Variants in LRP1B observed in about 807,000 individuals in gnomAD.
LRP1B encodes low-density lipoprotein receptor-related protein 1B.
In LRP1B, 217 loss-of-function variants were observed where a neutral mutation model predicts 556.6. The ratio of observed to expected loss-of-function variants is 0.39; its 90% confidence interval spans 0.35 to 0.44. The LOEUF is 0.44. Among genes scored for constraint, LRP1B ranks in the 20% least tolerant of loss-of-function variants. The probability of loss-of-function intolerance (pLI) is 1.00; values close to 1 mark genes in which losing one functional copy is unlikely to be tolerated. For synonymous variants in LRP1B, 2,047 were observed against 1,865.8 expected (o/e 1.10, Z -2.50); for missense variants, 5,053 against 5,620.8 (o/e 0.90, Z 3.23).
At chr2:140,941,353 C>G (rs762952292) in intron 20 of LRP1B, among the ~76,000 whole-genome samples, 3 of 152,116 alleles carry the variant, frequency 2.0e-5, no homozygotes, top group Non-Finnish European at 2.9e-5. Context: ...AAAGAGATCT[C>G]TTGAGAGAAA....
At chr2:140,458,358 G>A (rs1200833173) in intron 60 of LRP1B, among the ~76,000 whole-genome samples, 1 of 152,144 alleles carries the variant, frequency 6.6e-6, no homozygotes, top group Non-Finnish European at 1.5e-5. Flanking sequence ...AAACAGTAGA[G>A]TGAGCATCAC....
intron 18 of LRP1B, among the ~76,000 whole-genome samples, chr2:140,961,719 A>G (rs1696040910): frequency 6.6e-6 from 1 of 152,048 alleles, no homozygotes; most frequent in Non-Finnish European, 1.5e-5. Context: ...ATATAATATT[A>G]TTTTCTATAA....
chr2:141,868,316 A>T (rs1698479524), intron 1 of LRP1B, among the ~76,000 whole-genome samples: 1 of 152,016 alleles, frequency 6.6e-6, no homozygotes, highest in Non-Finnish European at 1.5e-5. Flanking sequence ...CTGTAATTTC[A>T]ACCATCTGTA....
At chr2:140,383,586 GA>G (rs1019555748) in intron 67 of LRP1B, among the ~76,000 whole-genome samples, 1 of 151,900 alleles carries the variant, frequency 6.6e-6, no homozygotes, top group Non-Finnish European at 1.5e-5. Flanking sequence ...TAGATCCCTG[GA>G]TCCATCCTCT....
intron 2 of LRP1B, among the ~76,000 whole-genome samples, chr2:141,738,730 C>T (rs1693586546): frequency 6.6e-6 from 1 of 152,096 alleles, no homozygotes; most frequent in Non-Finnish European, 1.5e-5. Context: ...GCTTGATAAG[C>T]AGTCTCTTTC....
At chr2:141,413,928 G>C (rs1372363722) in intron 3 of LRP1B, among the ~76,000 whole-genome samples, 1 of 149,634 alleles carries the variant, frequency 6.7e-6, no homozygotes, top group Non-Finnish European at 1.5e-5. Flanking sequence ...GAACAGAAGA[G>C]AAGAGAAAAA....
rs115492461 is a variant in LRP1B, at chr2:141,171,511, A to G, written c.1013+16910T>C. ...GCTGATACAAACTTAGAGCTGTCTC[A>G]TGTTAAGTTATAAAATTCTCACTTT... On this transcript the variant is annotated intron_variant, in intron 7 of 90. Transcript: ENST00000389484. 9.0e-4 allele frequency among the ~76,000 whole-genome samples: 137 copies of G among 152,172 alleles called. 1 individual carries two copies. The highest frequency in any genetic ancestry group is 1.4e-3 in the Non-Finnish European group (98 of 67,970).
intron 13 of LRP1B, among the ~76,000 whole-genome samples, chr2:141,014,119 GA>G (rs1414390871): frequency 6.6e-6 from 1 of 152,004 alleles, no homozygotes; most frequent in African/African-American, 2.4e-5. Context: ...TCCTGGGATA[GA>G]AATCAGTCTG....
At chr2:141,157,774 G>T (rs991301968) in intron 7 of LRP1B, among the ~76,000 whole-genome samples, 2 of 152,064 alleles carry the variant, frequency 1.3e-5, no homozygotes, top group African/African-American at 4.8e-5. Context: ...ATAGGTAAAA[G>T]CTTATGTAGG....
chr2:141,486,983 C>A (rs1683145004), intron 2 of LRP1B, among the ~76,000 whole-genome samples: 1 of 152,182 alleles, frequency 6.6e-6, no homozygotes, highest in Non-Finnish European at 1.5e-5. Context: ...GATCAGAATA[C>A]CTCTCTCTTA....
chr2:141,509,504 C>A (rs1207825324), intron 2 of LRP1B, among the ~76,000 whole-genome samples: 1 of 152,062 alleles, frequency 6.6e-6, no homozygotes, highest in Non-Finnish European at 1.5e-5. Context: ...AAGTTTAAAT[C>A]TTCTTTTAAA....
At chr2:140,549,411 T>C (rs1680464028) in intron 43 of LRP1B, among the ~76,000 whole-genome samples, 1 of 152,174 alleles carries the variant, frequency 6.6e-6, no homozygotes, top group Admixed American at 6.6e-5. Context: ...GTATCAAATG[T>C]ATGCTTTTGT....
At chr2:140,311,886 C>T (rs750064632) in intron 83 of LRP1B, among the ~76,000 whole-genome samples, 2 of 151,816 alleles carry the variant, frequency 1.3e-5, no homozygotes, top group Admixed American at 6.6e-5. Flanking sequence ...TTATGCCCCA[C>T]GTACATATGT....
At chr2:141,166,261 C>T (rs1349949384) in intron 7 of LRP1B, among the ~76,000 whole-genome samples, 2 of 151,844 alleles carry the variant, frequency 1.3e-5, no homozygotes, top group Non-Finnish European at 1.5e-5. Context: ...CTGCTCTCTA[C>T]GTTCTCACTT....
At chr2:140,805,165 A>T (rs1690667754) in intron 32 of LRP1B, among the ~76,000 whole-genome samples, 1 of 152,074 alleles carries the variant, frequency 6.6e-6, no homozygotes, top group South Asian at 2.1e-4. Context: ...ACCTTTTTTG[A>T]CTGATCCCCA....
intron 2 of LRP1B, among the ~76,000 whole-genome samples, chr2:141,554,004 T>C (rs144444781): frequency 7.6e-4 from 107 of 140,212 alleles, no homozygotes; most frequent in African/African-American, 2.6e-3. Flanking sequence ...ATTATATATA[T>C]CTATATTAAT....
intron 2 of LRP1B, among the ~76,000 whole-genome samples, chr2:141,488,659 C>A (rs900694770): frequency 1.3e-5 from 2 of 151,988 alleles, no homozygotes; most frequent in Non-Finnish European, 2.9e-5. Flanking sequence ...CAGGGTCTCA[C>A]CATGTTGCCC....
intron 83 of LRP1B, among the ~76,000 whole-genome samples, chr2:140,311,375 T>C (rs1684294231): frequency 6.6e-6 from 1 of 151,864 alleles, no homozygotes; most frequent in Non-Finnish European, 1.5e-5. Context: ...ATCATGTTTT[T>C]TGTAGTAACA....
chr2:141,374,078 T>C (rs1209350631), intron 3 of LRP1B, among the ~76,000 whole-genome samples: 1 of 152,186 alleles, frequency 6.6e-6, no homozygotes, highest in Non-Finnish European at 1.5e-5. Context: ...CATTTACTTG[T>C]ATGAGAAGAC....
Sources: allele counts gnomAD v4.1 joint callset (sites outside exome capture counted in the v4.1 genomes callset), GRCh38; gene constraint gnomAD v4.1.1; transcripts MANE v1.5; gene names NCBI Gene and HGNC (gene_info 2026-07-23, HGNC 2026-07-21).